The following FABP12 variants were observed in gnomAD, a reference collection of about 807,000 sequenced individuals.
The protein encoded by FABP12 is fatty acid binding protein 12.
FABP12 carries 19 observed loss-of-function variants against 13.7 expected under a neutral mutation model. The ratio of observed to expected loss-of-function variants is 1.39; its 90% CI spans 0.97 to 2.04. The LOEUF is 2.04. FABP12 is among the 30% of genes most tolerant of loss of function. The pLI, the probability that FABP12 is intolerant of heterozygous loss-of-function variation, is 0.00. For synonymous variants in FABP12, 61 were observed against 57.0 expected, an observed-to-expected ratio of 1.07 and a Z score of -0.32; for missense variants, 182 against 164.2, an observed-to-expected ratio of 1.11 and a Z score of -0.59.
Position 81,533,878 on chromosome 8 carries a change from C to T in FABP12, c.-152G>A, listed in dbSNP as rs1263900133. On this transcript the variant is annotated 5_prime_UTR_variant, in exon 1 of 5. Coordinates refer to ENST00000360464, the Ensembl canonical transcript of FABP12. ...TCACGATGGACTTCTGCTGGACATACCTGACTTGATGACTCTGTGGGTCTG... is the reference window on the plus strand; with the variant it reads ...TCACGATGGACTTCTGCTGGACATATCTGACTTGATGACTCTGTGGGTCTG... Among the ~76,000 whole-genome samples, 1 of 152,114 alleles carries T rather than the reference C, an allele frequency of 6.6e-6. No homozygotes were observed. Among genetic ancestry groups the T allele is most frequent in the Admixed American group, 6.6e-5 (1 of 15,266 alleles).
intron 1 of FABP12, among the ~76,000 whole-genome samples, chr8:81,576,717 C>CT (rs1810053658): frequency 6.6e-6 from 1 of 152,164 alleles, no homozygotes; most frequent in East Asian, 1.9e-4. Flanking sequence ...CAGTGACAAA[C>CT]TATCCCCAAA....
At chr8:81,576,979 C>T (rs1218748149) in intron 1 of FABP12, among the ~76,000 whole-genome samples, 2 of 152,290 alleles carry the variant, frequency 1.3e-5, no homozygotes, top group African/African-American at 2.4e-5. Flanking sequence ...CCATATACCA[C>T]CTCAATAGAA....
At chr8:81,534,094 CACAT>C (rs1382869037), upstream of FABP12, among the ~76,000 whole-genome samples, 1 of 152,098 alleles carries the variant, frequency 6.6e-6, no homozygotes, top group Non-Finnish European at 1.5e-5. Context: ...CTCACCCACA[CACAT>C]ACATACACAC....
chr8:81,532,345 T>A (rs1809095237), intron 1 of FABP12, among the ~76,000 whole-genome samples: 2 of 152,236 alleles, frequency 1.3e-5, no homozygotes, highest in South Asian at 4.1e-4. Context: ...AAGACAAGAA[T>A]GGGGACATGG....
chr8:81,585,150 T>C (rs1810223640), intron 1 of FABP12, among the ~76,000 whole-genome samples: 1 of 152,210 alleles, frequency 6.6e-6, no homozygotes, highest in African/African-American at 2.4e-5. Context: ...AGCCCAAAAA[T>C]CTGCCAAGAC....
intron 2 of FABP12, among the ~76,000 whole-genome samples, chr8:81,530,664 C>T (rs1358526818): frequency 6.6e-6 from 1 of 152,158 alleles, no homozygotes; most frequent in Non-Finnish European, 1.5e-5. Flanking sequence ...GTGAATGTTA[C>T]CTTTACATGT....
At chr8:81,585,965 A>G (rs1007777934) in intron 1 of FABP12, among the ~76,000 whole-genome samples, 1 of 152,100 alleles carries the variant, frequency 6.6e-6, no homozygotes, top group Non-Finnish European at 1.5e-5. Flanking sequence ...CATATTCAAT[A>G]GGTAGTTTTT....
chr8:81,585,422 A>G (rs1223396383), intron 1 of FABP12, among the ~76,000 whole-genome samples: 21 of 151,980 alleles, frequency 1.4e-4, no homozygotes, highest in Admixed American at 1.4e-3. Context: ...TGAATTCTCT[A>G]TTCTGTTCTA....
chr8:81,539,460 T>C (rs1305538967), intron 2 of FABP12, among the ~76,000 whole-genome samples: 15 of 109,088 alleles, frequency 1.4e-4, no homozygotes, highest in South Asian at 3.4e-4. Flanking sequence ...TTTTTTTTTT[T>C]CTAATCTCTC....
intron 1 of FABP12, among the ~76,000 whole-genome samples, chr8:81,578,334 T>C (rs948311854): frequency 6.6e-6 from 1 of 152,152 alleles, no homozygotes; most frequent in African/African-American, 2.4e-5. Context: ...TATGTAATCA[T>C]TCTGTGATTA....
At chr8:81,560,517 T>C (rs1809705355) in intron 1 of FABP12, among the ~76,000 whole-genome samples, 1 of 152,240 alleles carries the variant, frequency 6.6e-6, no homozygotes, top group Non-Finnish European at 1.5e-5. Context: ...TTCTAAATAC[T>C]GGACAGGCCA....
At chr8:81,542,642 C>T (rs1437506564) in intron 1 of FABP12, among the ~76,000 whole-genome samples, 2 of 152,192 alleles carry the variant, frequency 1.3e-5, no homozygotes, top group African/African-American at 2.4e-5. Flanking sequence ...ATATGCAACT[C>T]TCTGGGAGTG....
intron 1 of FABP12, among the ~76,000 whole-genome samples, chr8:81,564,330 T>C (rs1368839104): frequency 6.6e-6 from 1 of 152,132 alleles, no homozygotes; most frequent in East Asian, 1.9e-4. Context: ...TAAGAAATCA[T>C]CTGAAGGTAT....
chr8:81,586,516 C>G (rs1810241492), intron 1 of FABP12, among the ~76,000 whole-genome samples: 1 of 152,136 alleles, frequency 6.6e-6, no homozygotes, highest in Non-Finnish European at 1.5e-5. Context: ...TTATTTTCCA[C>G]TTTTTAATAA....
At chr8:81,572,697 C>T (rs959906374) in intron 1 of FABP12, among the ~76,000 whole-genome samples, 2 of 151,960 alleles carry the variant, frequency 1.3e-5, no homozygotes, top group African/African-American at 2.4e-5. Flanking sequence ...GCATTTCCCT[C>T]ATTAGTGATG....
upstream of FABP12, among the ~76,000 whole-genome samples, chr8:81,535,888 T>G (rs776229841): frequency 1.3e-5 from 2 of 152,182 alleles, no homozygotes; most frequent in Non-Finnish European, 2.9e-5. Context: ...CTTAGTCTGC[T>G]GCCCATCCAT....
chr8:81,548,079 T>C (rs1485342077), intron 1 of FABP12, among the ~76,000 whole-genome samples: 1 of 152,186 alleles, frequency 6.6e-6, no homozygotes, highest in Non-Finnish European at 1.5e-5. Flanking sequence ...TCATCTCTTT[T>C]CACAGTAACT....
intron 1 of FABP12, among the ~76,000 whole-genome samples, chr8:81,552,655 G>C (rs1344508501): frequency 6.6e-6 from 1 of 152,160 alleles, no homozygotes; most frequent in Non-Finnish European, 1.5e-5. Flanking sequence ...GGGCACCAAT[G>C]CTTCATTTAA....
chr8:81,537,168 A>G (rs977147271), upstream of FABP12, among the ~76,000 whole-genome samples: 12 of 152,348 alleles, frequency 7.9e-5, no homozygotes, highest in South Asian at 4.1e-4. Flanking sequence ...CATTTATAAA[A>G]GTAACATGAG....
Sources: gnomAD v4.1 joint callset for allele counts (sites outside exome capture counted in the v4.1 genomes callset) on GRCh38, gnomAD v4.1.1 for gene constraint, MANE v1.5 for transcripts, NCBI Gene and HGNC (gene_info 2026-07-23, HGNC 2026-07-21) for gene names.